OR4F16: variants seen among roughly 807,000 people sequenced by gnomAD.
OR4F16 encodes olfactory receptor family 4 subfamily F member 16, also known as olfactory receptor 4F3/4F16/4F29.
At chr1:715,869 T>A in the OR4F16 span, among the ~76,000 whole-genome samples, 2 of 150,304 alleles carry the variant, frequency 1.3e-5, no homozygotes, top group Non-Finnish European at 2.9e-5. Context: ...AAATAAGACA[T>A]GTGAAGGATC....
upstream of OR4F16, among the ~76,000 whole-genome samples, chr1:690,547 C>A (rs1159486701): frequency 1.9e-3 from 275 of 143,360 alleles, no homozygotes; most frequent in African/African-American, 7.2e-3. Context: ...GTTGACCAGG[C>A]CTGATTTTTG....
chr1:701,583 G>T, the OR4F16 span, among the ~76,000 whole-genome samples: 1 of 150,218 alleles, frequency 6.7e-6, no homozygotes. Context: ...ATACACCATG[G>T]AATACTATGC....
chr1:701,986 T>G, the OR4F16 span: 1 of 149,100 alleles, frequency 6.7e-6, no homozygotes, highest in African/African-American at 2.5e-5. Context: ...AATCTTTCAT[T>G]CATTCCTTTC....
chr1:686,384 CTT>C lies in OR4F16; in HGVS notation c.269_270del (p.Lys90SerfsTer31). On this transcript the variant is annotated frameshift_variant, in exon 1 of 1. Coordinates refer to ENST00000332831, the MANE Select transcript of OR4F16 (RefSeq NM_001005277.1). LOFTEE classifies it high-confidence loss of function. ...GCGATGCAGCCTCCAAAGGAGATGA[CTT>C]TGCGCTTTCTGAACAGGTCATAAAT... Reference protein sequence around the residue: ...KMIYDLFRKRKVISFGGCIAQ... With the variant: ...KMIYDLFRKRXVISFGGCIAQ... 9.2e-5 allele frequency: 1 copy of C among 10,898 alleles called. No individual in the cohort carries two copies. Among genetic ancestry groups the C allele is most frequent in the African/African-American group, 0.013 (1 of 80 alleles). 0.7% of individuals were successfully genotyped at this position (10,898 alleles called of 1,614,324 possible). A position where few individuals can be genotyped will look rare whatever the true frequency, so the allele number is the denominator to read the frequency against.
At chr1:701,229 A>G in the OR4F16 span, among the ~76,000 whole-genome samples, 1 of 146,098 alleles carries the variant, frequency 6.8e-6, no homozygotes, top group African/African-American at 2.6e-5. Flanking sequence ...AAAGAGCTTA[A>G]GAAGTCTACT....
chr1:701,613 C>A, the OR4F16 span, among the ~76,000 whole-genome samples: 34 of 150,030 alleles, frequency 2.3e-4, 1 homozygote, highest in African/African-American at 7.7e-4. Flanking sequence ...AAAATGATAT[C>A]ATGTCTTTTG....
upstream of OR4F16, among the ~76,000 whole-genome samples, chr1:690,008 T>C (rs1643034837): frequency 7.8e-6 from 1 of 128,192 alleles, no homozygotes; most frequent in Admixed American, 8.0e-5. Context: ...TTTCTCACCT[T>C]TAATACACTC....
At chr1:689,797 A>AG (rs1643032106), upstream of OR4F16, among the ~76,000 whole-genome samples, 1 of 37,764 alleles carries the variant, frequency 2.6e-5, no homozygotes, top group Non-Finnish European at 4.4e-5. Flanking sequence ...AATGGGAGAA[A>AG]GGGGAGATTA....
At chr1:710,019 T>C in the OR4F16 span, among the ~76,000 whole-genome samples, 11 of 150,702 alleles carry the variant, frequency 7.3e-5, no homozygotes, top group African/African-American at 2.7e-4. Context: ...TCCCAAAACT[T>C]GCAAAATAAA....
At chr1:702,422 AG>A in the OR4F16 span, 1 of 148,424 alleles carries the variant, frequency 6.7e-6, no homozygotes, top group Non-Finnish European at 1.5e-5. Context: ...ATATTGTAGA[AG>A]TATTCCTAAT....
the OR4F16 span, among the ~76,000 whole-genome samples, chr1:680,064 C>T: frequency 3.5e-4 from 45 of 129,682 alleles, 4 homozygotes; most frequent in South Asian, 1.1e-3. Flanking sequence ...GTTCAACATA[C>T]GCAAATCAAT....
chr1:715,869 T>C, the OR4F16 span, among the ~76,000 whole-genome samples: 4 of 150,302 alleles, frequency 2.7e-5, no homozygotes, highest in South Asian at 2.1e-4. Flanking sequence ...AAATAAGACA[T>C]GTGAAGGATC....
chr1:679,804 A>T, the OR4F16 span, among the ~76,000 whole-genome samples: 34 of 68,836 alleles, frequency 4.9e-4, 1 homozygote, highest in Non-Finnish European at 7.3e-4. Flanking sequence ...AGCTGGTACC[A>T]TTCCTTCTGA....
chr1:701,387 G>A, the OR4F16 span, among the ~76,000 whole-genome samples: 28 of 149,724 alleles, frequency 1.9e-4, no homozygotes, highest in Non-Finnish European at 3.4e-4. Context: ...TGTGGATCTG[G>A]CTGGGGAGAT....
the OR4F16 span, among the ~76,000 whole-genome samples, chr1:701,369 A>G: frequency 6.7e-6 from 1 of 149,890 alleles, no homozygotes; most frequent in African/African-American, 2.5e-5. Flanking sequence ...AAAAATACCG[A>G]AAAAGTTTGT....
At chr1:717,302 G>C in the OR4F16 span, among the ~76,000 whole-genome samples, 1 of 151,264 alleles carries the variant, frequency 6.6e-6, no homozygotes, top group East Asian at 2.0e-4. Context: ...CTGATTTCTC[G>C]GCAGAAACCT....
chr1:701,958 G>A, the OR4F16 span: 1 of 149,740 alleles, frequency 6.7e-6, no homozygotes, highest in African/African-American at 2.5e-5. Flanking sequence ...TCATCTACCT[G>A]GTAATATGAA....
the OR4F16 span, among the ~76,000 whole-genome samples, chr1:717,293 T>A: frequency 6.6e-6 from 1 of 151,364 alleles, no homozygotes; most frequent in African/African-American, 2.4e-5. Context: ...CATTAGCAGC[T>A]GATTTCTCGG....
At chr1:680,262 T>C in the OR4F16 span, among the ~76,000 whole-genome samples, 1 of 46,262 alleles carries the variant, frequency 2.2e-5, no homozygotes, top group Non-Finnish European at 4.2e-5. Context: ...CAATACTGAA[T>C]GGTGAAAAAC....
Sources: allele counts gnomAD v4.1 joint callset (sites outside exome capture counted in the v4.1 genomes callset), GRCh38; gene constraint gnomAD v4.1.1; transcripts MANE v1.5; gene names NCBI Gene and HGNC (gene_info 2026-07-23, HGNC 2026-07-21).